HLCS: variants seen among roughly 807,000 people sequenced by gnomAD.
The protein encoded by HLCS is holocarboxylase synthetase.
A neutral mutation model predicts 75.0 loss-of-function variants in HLCS; 53 were observed. That is an observed-to-expected ratio of 0.71 (90% CI 0.57 to 0.89). The LOEUF is 0.89. HLCS is among the 40% of genes least tolerant of loss of function. The pLI is 0.00. For missense variants in HLCS, 966 were observed against 1,074.0 expected, an observed-to-expected ratio of 0.90 and a Z score of 1.41; for synonymous variants, 431 against 428.6, an observed-to-expected ratio of 1.01 and a Z score of -0.07.
intron 9 of HLCS, among the ~76,000 whole-genome samples, chr21:36,759,525 C>T (rs982770640): frequency 2.0e-5 from 3 of 152,268 alleles, no homozygotes; most frequent in Admixed American, 6.5e-5. Flanking sequence ...TGGTGGTTCC[C>T]GTGGTCACAC....
At chr21:36,964,972 T>C (rs1295413246) in intron 1 of HLCS, among the ~76,000 whole-genome samples, 1 of 152,246 alleles carries the variant, frequency 6.6e-6, no homozygotes, top group Non-Finnish European at 1.5e-5. Context: ...ACATTGTATG[T>C]AATGCATGAA....
intron 6 of HLCS, among the ~76,000 whole-genome samples, chr21:36,773,638 T>C (rs974649037): frequency 6.6e-5 from 10 of 152,202 alleles, no homozygotes; most frequent in African/African-American, 1.9e-4. Context: ...TTCTCAGCTC[T>C]GACCCTGTTC....
At chr21:36,872,451 A>T (rs1045622517) in intron 6 of HLCS, among the ~76,000 whole-genome samples, 38 of 151,688 alleles carry the variant, frequency 2.5e-4, no homozygotes, top group Non-Finnish European at 5.3e-4. Flanking sequence ...TTTAGTTTTT[A>T]TGTAAAATTG....
chr21:36,960,136 C>CG (rs1328278647), intron 2 of HLCS, among the ~76,000 whole-genome samples: 1 of 111,040 alleles, frequency 9.0e-6, no homozygotes, highest in East Asian at 3.4e-4. Context: ...CACCCACCCC[C>CG]CCCCCCCCCG....
chr21:36,867,805 A>G (rs1381791485), intron 6 of HLCS, among the ~76,000 whole-genome samples: 1 of 152,214 alleles, frequency 6.6e-6, no homozygotes, highest in East Asian at 1.9e-4. Context: ...GTCTCTTACT[A>G]TAGCAACTTA....
At chr21:36,924,561 A>G (rs2066317824) in intron 5 of HLCS, among the ~76,000 whole-genome samples, 1 of 152,164 alleles carries the variant, frequency 6.6e-6, no homozygotes. Context: ...ACTCCATCTC[A>G]AAAAGAAAAA....
intron 6 of HLCS, among the ~76,000 whole-genome samples, chr21:36,871,685 C>T (rs1017397394): frequency 2.0e-5 from 3 of 152,076 alleles, no homozygotes; most frequent in African/African-American, 7.2e-5. Context: ...CACATACCCA[C>T]CACCTAGACA....
At position 36,842,415 on chromosome 21, in the gene HLCS, T is replaced by G. The variant is rs1455043767; in HGVS notation, c.1892+54445A>C. ...CACCCTCAGGATGTGTGCACTTTTC[T>G]GGAGGCATATTATACTTCAATAAAA... On this transcript the variant is annotated intron_variant, in intron 6 of 10. Coordinates refer to ENST00000674895, the MANE Select transcript of HLCS (RefSeq NM_001352514.2). This position sits in a 1 kb window ranked among gnomAD's most constrained non-coding sequence, Gnocchi z 4.2. Among the ~76,000 whole-genome samples the G allele has an allele frequency of 3.3e-5, 5 of 152,160 alleles. No individual in the cohort carries two copies. Among genetic ancestry groups the G allele is most frequent in the Non-Finnish European group, 7.3e-5 (5 of 68,034 alleles).
intron 5 of HLCS, among the ~76,000 whole-genome samples, chr21:36,925,552 TA>T (rs1176892630): frequency 6.6e-6 from 1 of 152,172 alleles, no homozygotes; most frequent in Non-Finnish European, 1.5e-5. Flanking sequence ...CCGACCTTCC[TA>T]GGGGTGGCAC....
At position 36,904,983 on chromosome 21, in the gene HLCS, C is replaced by T. The variant is rs139480267; in HGVS notation, c.1621-7852G>A. ...ACGCAAATGCACCTATTTCTTTGAA[C>T]TCAACTATCAGAGGATAGCTAAAAC... On this transcript the variant is annotated intron_variant, in intron 5 of 10. Transcript: ENST00000674895. 3.0e-3 allele frequency among the ~76,000 whole-genome samples: 452 copies of T among 152,328 alleles called. 3 individuals are homozygous for T. Among genetic ancestry groups the T allele is most frequent in the Non-Finnish European group, 5.0e-3 (342 of 68,034 alleles).
intron 6 of HLCS, among the ~76,000 whole-genome samples, chr21:36,866,803 T>C (rs1443496389): frequency 2.0e-5 from 3 of 152,152 alleles, no homozygotes; most frequent in Non-Finnish European, 4.4e-5. Flanking sequence ...TAGTAGTAGA[T>C]GATGCTGGCT....
At chr21:36,987,896 C>A (rs1294646487) in intron 1 of HLCS, among the ~76,000 whole-genome samples, 1 of 152,186 alleles carries the variant, frequency 6.6e-6, no homozygotes, top group Non-Finnish European at 1.5e-5. Flanking sequence ...AAGTGAAGTA[C>A]AAAATTTCTT....
chr21:36,779,282 T>C (rs2060455880), intron 6 of HLCS, among the ~76,000 whole-genome samples: 1 of 152,032 alleles, frequency 6.6e-6, no homozygotes, highest in Admixed American at 6.6e-5. Flanking sequence ...TTTCCTTCCG[T>C]CCATCCATCC....
At chr21:36,876,253 G>A (rs1045669729) in intron 6 of HLCS, among the ~76,000 whole-genome samples, 1 of 152,160 alleles carries the variant, frequency 6.6e-6, no homozygotes, top group Non-Finnish European at 1.5e-5. Flanking sequence ...ACAAAACTCA[G>A]GCAAAGGTAC....
chr21:36,785,367 G>A (rs920522807), intron 6 of HLCS, among the ~76,000 whole-genome samples: 6 of 151,872 alleles, frequency 4.0e-5, no homozygotes, highest in Admixed American at 1.3e-4. Flanking sequence ...AACCTGGTTC[G>A]GAATCCAATT....
chr21:36,951,656 C>T (rs567874277), intron 2 of HLCS, among the ~76,000 whole-genome samples: 1 of 152,306 alleles, frequency 6.6e-6, no homozygotes, highest in Non-Finnish European at 1.5e-5. Context: ...ACCTAGCACA[C>T]AATCTGGCAT....
chr21:36,943,603 G>A (rs897835621), intron 2 of HLCS: 3 of 152,098 alleles, frequency 2.0e-5, no homozygotes, highest in Non-Finnish European at 4.4e-5. Context: ...GAAGGATCAG[G>A]AATTCAAGAC....
chr21:36,913,429 G>A (rs1468337795), intron 5 of HLCS, among the ~76,000 whole-genome samples: 1 of 152,106 alleles, frequency 6.6e-6, no homozygotes, highest in Non-Finnish European at 1.5e-5. Context: ...GAGGGAGAAG[G>A]GCAGTGGGCA....
chr21:36,820,907 G>T (rs74931886), intron 6 of HLCS, among the ~76,000 whole-genome samples: 4,209 of 152,342 alleles, frequency 0.028, 71 homozygotes, highest in Non-Finnish European at 0.04. Context: ...TGACCCCGTG[G>T]AGGGGAAATA....
Sources: gnomAD v4.1 joint callset for allele counts (sites outside exome capture counted in the v4.1 genomes callset) on GRCh38, gnomAD v4.1.1 for gene constraint, Gnocchi (gnomAD v3.1) non-coding constraint, MANE v1.5 for transcripts, NCBI Gene and HGNC (gene_info 2026-07-23, HGNC 2026-07-21) for gene names.